Variants in LBP observed in about 807,000 individuals in gnomAD.
LBP encodes the protein lipopolysaccharide binding protein.
Under a neutral mutation model 56.6 loss-of-function variants are expected in LBP, and 53 were observed. That is an observed-to-expected ratio of 0.94 (90% CI 0.75 to 1.18). The LOEUF is 1.18. LBP is among the 50% of genes most tolerant of loss of function. The pLI is 0.00. For synonymous variants in LBP, 227 were observed against 247.5 expected, an observed-to-expected ratio of 0.92 and a Z score of 0.78; for missense variants, 601 against 598.3, an observed-to-expected ratio of 1.00 and a Z score of -0.05.
Position 38,349,559 on chromosome 20 carries a change from G to A in LBP, c.136G>A (p.Gly46Arg), listed in dbSNP as rs753457055. 3.1e-6 allele frequency: 5 copies of A among 1,605,602 alleles called. No homozygotes were observed. Among genetic ancestry groups the A allele is most frequent in the Non-Finnish European group, 4.3e-6 (5 of 1,176,352 alleles). The stretch of plus-strand genomic sequence containing the variant: ...TTTCCTTTCCACAGCGGCCCAGGAG[G>A]GGCTATTAGCTCTGCAGAGTGAGCT... ...DKGLQYAAQE[G>R]LLALQSELLR... Residue 46 changes from glycine (G) to arginine (R), a missense_variant, in exon 2 of 15, where the codon GGG (glycine) becomes AGG (arginine). Physicochemically the swap from Gly to Arg is moderately radical, Grantham distance 125. Coordinates refer to ENST00000217407, the MANE Select transcript of LBP (RefSeq NM_004139.5).
chr20:38,374,088 T>G (rs973584730), intron 14 of LBP, 75 bp downstream of exon 14: 3 of 1,455,562 alleles, frequency 2.1e-6, no homozygotes, highest in Non-Finnish European at 2.9e-6. Flanking sequence ...GGGCCATGAT[T>G]CATGGGTGAC....
rs1490508477 is a variant in LBP at position 38,355,394 on chromosome 20, A to G, written c.573A>G (p.Lys191=). 3 of 1,613,514 alleles carry G rather than the reference A, an allele frequency of 1.9e-6. No homozygotes were observed. The highest frequency in any genetic ancestry group is 1.3e-5 in the African/African-American group (1 of 74,914). Residue 191 remains lysine, a synonymous_variant, in exon 5 of 15, where the codon AAA becomes AAG. Coordinates refer to ENST00000217407, the MANE Select transcript of LBP (RefSeq NM_004139.5). ...FHNQIESKFQ[K]VLESRICEMI... is the part of the protein sequence containing the mutation. ...ACCAGATTGAGTCCAAGTTCCAGAA[A>G]GTACTGGAGAGCAGGGTAAGAAGGT... is the stretch of plus-strand genomic sequence containing the variant.
At position 38,376,779 on chromosome 20, in the gene LBP, C is replaced by A; in HGVS notation, c.*110C>A. 2 of 1,109,216 alleles carry A rather than the reference C, an allele frequency of 1.8e-6. No individual in the cohort carries two copies. The highest frequency in any genetic ancestry group is 2.7e-6 in the Non-Finnish European group (2 of 730,952). The allele number at this position is 1,109,216 out of a possible 1,614,324, so 68.7% of individuals were successfully genotyped here. On this transcript the variant is annotated 3_prime_UTR_variant, in exon 15 of 15. Transcript: ENST00000217407. Reference sequence around the variant, plus strand: ...AGAATGAAGACATTTCTGCTCTCAGCTCCGGGGGTGAGGTGTGCCTGGCCT... The same window carrying A: ...AGAATGAAGACATTTCTGCTCTCAGATCCGGGGGTGAGGTGTGCCTGGCCT...
rs11536981 is a variant in LBP at position 38,368,606 on chromosome 20, C to T, written c.982-389C>T. 7.2e-5 allele frequency among the ~76,000 whole-genome samples: 11 copies of T among 152,072 alleles called. No individual in the cohort carries two copies. The East Asian group carries it at 1.5e-3, about 21-fold the overall frequency. On this transcript the variant is annotated intron_variant, in intron 9 of 14. Transcript: ENST00000217407. ...AAGAGCAAAACTCCATCTCAAAAAACAAAACAAAAAAAGAAAGCATTGCTG... is the reference window on the plus strand; with the variant it reads ...AAGAGCAAAACTCCATCTCAAAAAATAAAACAAAAAAAGAAAGCATTGCTG...
chr20:38,371,312 G>T lies in LBP; in HGVS notation c.1250G>T (p.Gly417Val). 6.2e-7 allele frequency: 1 copy of T among 1,608,228 alleles called. No individual in the cohort carries two copies. Among genetic ancestry groups the T allele is most frequent in the Non-Finnish European group, 8.5e-7 (1 of 1,175,092 alleles). ...VKVELKESKV[G>V]LFNAELLEAL... is the part of the protein sequence containing the mutation. ...GTGGAACTGAAAGAATCCAAAGTTG[G>T]ACTATTCAATGTAAGTTGTTTTTAT... The change falls in exon 12 of 15, where the codon GGA becomes GTA. Residue 417 changes from glycine to valine, a missense_variant. By Grantham distance (109) the Gly-to-Val change is moderately radical (BLOSUM62 -3). Transcript: ENST00000217407.
intron 1 of LBP, among the ~76,000 whole-genome samples, chr20:38,348,787 A>AGTTTTGGTTT (rs2076810245): frequency 7.4e-6 from 1 of 135,414 alleles, no homozygotes; most frequent in African/African-American, 2.8e-5. Context: ...AGTTTAGTTT[A>AGTTTTGGTTT]GTTTTGTTTT....
intron 5 of LBP, among the ~76,000 whole-genome samples, chr20:38,359,545 G>A (rs1399883868): frequency 6.6e-6 from 1 of 152,062 alleles, no homozygotes; most frequent in Non-Finnish European, 1.5e-5. Flanking sequence ...TTGTGCCATT[G>A]CACTCTAGCC....
chr20:38,354,885 C>G (rs1009325045), intron 4 of LBP, among the ~76,000 whole-genome samples: 1 of 152,096 alleles, frequency 6.6e-6, no homozygotes, highest in Non-Finnish European at 1.5e-5. Flanking sequence ...AGTTCAAGAC[C>G]AGCCTGGGCA....
chr20:38,369,251 TGG>T (rs1376430522), intron 10 of LBP, 89 bp downstream of exon 10: 1 of 1,296,472 alleles, frequency 7.7e-7, no homozygotes, highest in Non-Finnish European at 1.1e-6. Flanking sequence ...ACTCACCACC[TGG>T]GTAATTCCTC....
Position 38,354,453 on chromosome 20 carries a change from G to A in LBP, c.524+14G>A, listed in dbSNP as rs371321299. 14 of 1,600,444 alleles carry A rather than the reference G, an allele frequency of 8.7e-6. No individual in the cohort carries two copies. In the East Asian group the frequency reaches 9.0e-5, roughly 10 times the overall value. On this transcript the variant is annotated intron_variant, in intron 4 of 14. Transcript: ENST00000217407. ...GGGAGACTTGGGGTAGGTCTCCATC[G>A]GGGCACTGCCAGCTGGACTCCTGGT...
In LBP at chr20:38,364,712, A is replaced by G. The variant is rs2232608; in HGVS notation, c.881A>G (p.His294Arg). 28 of 1,613,712 alleles carry G rather than the reference A, an allele frequency of 1.7e-5. No homozygotes were observed. Among genetic ancestry groups the G allele is most frequent in the Non-Finnish European group, 2.2e-5 (26 of 1,179,768 alleles). The change falls in exon 8 of 15, where the codon CAT becomes CGT. Residue 294 changes from histidine (H) to arginine (R), a missense_variant. By Grantham distance (29) the His-to-Arg change is conservative. Transcript: ENST00000217407. ...YVFNTASLVY[H>R]EEGYLNFSIT... ...TTCAACACGGCCAGCCTGGTTTATCATGAGGAAGGATATCTGAACTTCTCC... is the reference window on the plus strand; with the variant it reads ...TTCAACACGGCCAGCCTGGTTTATCGTGAGGAAGGATATCTGAACTTCTCC...
chr20:38,365,234 CAAA>C (rs10627735), intron 8 of LBP, among the ~76,000 whole-genome samples: 8 of 96,666 alleles, frequency 8.3e-5, no homozygotes, highest in Admixed American at 2.5e-4. Flanking sequence ...GACCCTGTCT[CAAA>C]AAAAAAAAAA....
At chr20:38,348,709 T>C (rs1250034077) in intron 1 of LBP, among the ~76,000 whole-genome samples, 1 of 152,136 alleles carries the variant, frequency 6.6e-6, no homozygotes, top group Non-Finnish European at 1.5e-5. Flanking sequence ...CACAGCCCCC[T>C]TCTTGCTTTG....
At position 38,364,762 on chromosome 20, in the gene LBP, G is replaced by A; in HGVS notation, c.921+10G>A. 2 of 1,597,234 alleles carry A rather than the reference G, an allele frequency of 1.3e-6. No individual in the cohort carries two copies. The highest frequency in any genetic ancestry group is 1.7e-4 in the Middle Eastern group (1 of 5,986). On this transcript the variant is annotated intron_variant, in intron 8 of 14. Coordinates refer to ENST00000217407, the MANE Select transcript of LBP (RefSeq NM_004139.5). ...CATCACAGATGACATGGTGAGGATG[G>A]TGGCAAACAGGTCTCTCAAATGAAC... is the stretch of plus-strand genomic sequence containing the variant.
rs975944408 is a variant in LBP at position 38,372,947 on chromosome 20, C to T, written c.1261-125C>T. The stretch of plus-strand genomic sequence containing the variant: ...AATGTTCATCTCAAAAGAGTTTTAT[C>T]TTATAAAATAGTAGCATGATGTAAT... On this transcript the variant is annotated intron_variant, in intron 12 of 14. Coordinates refer to ENST00000217407, the MANE Select transcript of LBP (RefSeq NM_004139.5). The T allele has an allele frequency of 1.0e-5, 8 of 788,668 alleles. No homozygotes were observed. The African/African-American group carries it at 1.4e-4, about 14-fold the overall frequency. The allele number at this position is 788,668 out of a possible 1,614,324, so 48.9% of individuals were successfully genotyped here.
chr20:38,362,340 T>A (rs1189399888), intron 6 of LBP, among the ~76,000 whole-genome samples: 3 of 139,974 alleles, frequency 2.1e-5, no homozygotes, highest in African/African-American at 7.8e-5. Flanking sequence ...ATTGCAGGCG[T>A]GAGAGCTCAC....
intron 5 of LBP, among the ~76,000 whole-genome samples, chr20:38,356,058 A>AACACAC (rs948999429): frequency 4.9e-5 from 7 of 142,248 alleles, no homozygotes; most frequent in Non-Finnish European, 1.1e-4. Flanking sequence ...AAGGGAAAAA[A>AACACAC]ACACACACAC....
intron 6 of LBP, 60 bp from the exon 7 acceptor site, chr20:38,363,915 C>A: frequency 8.1e-7 from 1 of 1,237,084 alleles, no homozygotes; most frequent in Non-Finnish European, 1.2e-6. Context: ...AGCCCTTGCC[C>A]CTCCTCCAGC....
intron 8 of LBP, 87 bp from the exon 9 acceptor site, chr20:38,366,682 T>G: frequency 8.0e-7 from 1 of 1,252,320 alleles, no homozygotes; most frequent in Non-Finnish European, 1.2e-6. Context: ...GCGACAGTCT[T>G]GCACATCCCC....
Sources: gnomAD v4.1 joint callset for allele counts (sites outside exome capture counted in the v4.1 genomes callset) on GRCh38, gnomAD v4.1.1 for gene constraint, MANE v1.5 for transcripts, NCBI Gene and HGNC (gene_info 2026-07-23, HGNC 2026-07-21) for gene names.